The following NBAS variants were observed in gnomAD, a reference collection of about 807,000 sequenced individuals.
NBAS encodes NAG/BC035112 fusion.
NBAS carries 219 observed loss-of-function variants against 302.5 expected under a neutral mutation model. The ratio of observed to expected loss-of-function variants is 0.72; its 90% CI spans 0.65 to 0.81. The LOEUF is 0.81. Among genes scored for constraint, NBAS ranks in the 30% least tolerant of loss-of-function variants. The probability of loss-of-function intolerance (pLI) is 0.00; values close to 1 mark genes in which losing one functional copy is unlikely to be tolerated. For missense variants in NBAS, 2,932 were observed against 2,841.6 expected (o/e 1.03, Z -0.72); for synonymous variants, 1,118 against 1,021.6 (o/e 1.09, Z -1.80).
intron 44 of NBAS, among the ~76,000 whole-genome samples, chr2:15,257,054 C>T (rs1668631047): frequency 6.6e-6 from 1 of 152,158 alleles, no homozygotes. Context: ...TAGGGTGATA[C>T]TGGCTTCCCA....
chr2:14,826,009 A>C, the NBAS span, among the ~76,000 whole-genome samples: 1 of 152,248 alleles, frequency 6.6e-6, no homozygotes, highest in Non-Finnish European at 1.5e-5. Flanking sequence ...GGATTCAAAT[A>C]GGTTTGGCAA....
At chr2:15,017,664 G>T in the NBAS span, among the ~76,000 whole-genome samples, 2 of 151,966 alleles carry the variant, frequency 1.3e-5, no homozygotes, top group Non-Finnish European at 2.9e-5. Context: ...GACATAAAAA[G>T]TGCTGGTGAA....
chr2:14,848,041 T>A, the NBAS span, among the ~76,000 whole-genome samples: 1 of 152,106 alleles, frequency 6.6e-6, no homozygotes, highest in Non-Finnish European at 1.5e-5. Flanking sequence ...AATATGTCAA[T>A]GAAGAAATTA....
intron 31 of NBAS, among the ~76,000 whole-genome samples, chr2:15,373,779 G>A (rs1019358982): frequency 6.6e-6 from 1 of 152,154 alleles, no homozygotes; most frequent in Non-Finnish European, 1.5e-5. Flanking sequence ...CAAGGAACTT[G>A]TAAGAGATCT....
the NBAS span, among the ~76,000 whole-genome samples, chr2:15,059,951 AAAAAAAAAAAAAC>A: frequency 2.0e-5 from 2 of 99,368 alleles, no homozygotes; most frequent in Non-Finnish European, 3.6e-5. Context: ...TGCTGCTAAA[AAAAAAAAAAAAAC>A]AAAAAAAAAA....
At chr2:15,162,491 C>A (rs1663923081), downstream of NBAS, among the ~76,000 whole-genome samples, 1 of 152,164 alleles carries the variant, frequency 6.6e-6, no homozygotes, top group Admixed American at 6.5e-5. Flanking sequence ...AGTCTAACAC[C>A]AGCATCAAAG....
At chr2:14,850,189 A>G in the NBAS span, among the ~76,000 whole-genome samples, 8 of 134,378 alleles carry the variant, frequency 6.0e-5, no homozygotes, top group East Asian at 1.5e-3. Context: ...AACCCATCTC[A>G]CGTGCAGAGA....
chr2:15,184,852 G>C (rs186320291), intron 50 of NBAS, among the ~76,000 whole-genome samples: 103 of 152,280 alleles, frequency 6.8e-4, no homozygotes, highest in Non-Finnish European at 1.3e-3. Context: ...CCTTGCAAAA[G>C]TTACAGTAAA....
At chr2:15,129,713 A>T in the NBAS span, among the ~76,000 whole-genome samples, 1 of 152,188 alleles carries the variant, frequency 6.6e-6, no homozygotes, top group Non-Finnish European at 1.5e-5. Flanking sequence ...GTTCCTGGCC[A>T]GTTGGCTGGG....
chr2:14,930,044 G>A, the NBAS span, among the ~76,000 whole-genome samples: 11 of 152,138 alleles, frequency 7.2e-5, no homozygotes, highest in East Asian at 1.9e-4. Flanking sequence ...GTTCTGCCAC[G>A]ATTGTAAGTT....
the NBAS span, among the ~76,000 whole-genome samples, chr2:14,926,077 T>C: frequency 6.6e-6 from 1 of 152,274 alleles, no homozygotes; most frequent in African/African-American, 2.4e-5. Flanking sequence ...AGTCTGAAAC[T>C]TCCCTGTGCT....
At chr2:15,454,066 C>A (rs1679141436) in intron 21 of NBAS, among the ~76,000 whole-genome samples, 1 of 152,084 alleles carries the variant, frequency 6.6e-6, no homozygotes, top group Non-Finnish European at 1.5e-5. Flanking sequence ...CGTGAGCCAC[C>A]ACACCCTGTC....
chr2:15,539,193 C>T (rs751154466), intron 7 of NBAS, 30 bp downstream of exon 7: 1 of 1,613,760 alleles, frequency 6.2e-7, no homozygotes, highest in Non-Finnish European at 8.5e-7. Context: ...ATTGAAAAAA[C>T]TATGTTTTCA....
At chr2:15,488,375 C>T (rs1680720736) in intron 12 of NBAS, among the ~76,000 whole-genome samples, 1 of 152,140 alleles carries the variant, frequency 6.6e-6, no homozygotes, top group Admixed American at 6.5e-5. Context: ...TCTGTCACTA[C>T]ATAACAAAAT....
In NBAS at chr2:15,249,138, G is replaced by A. The variant is rs535524079; in HGVS notation, c.5725-10452C>T. On this transcript the variant is annotated intron_variant, in intron 44 of 51. Coordinates refer to ENST00000281513, the MANE Select transcript of NBAS (RefSeq NM_015909.4). ...ACCATGATCAAGTCAGCTTCATCCC[G>A]GGGATGCGAGGCTGGTTCAACATAC... Among the ~76,000 whole-genome samples, 16 of 152,102 alleles carry A rather than the reference G, an allele frequency of 1.1e-4. No homozygotes were observed. In the South Asian group the frequency reaches 2.1e-3, roughly 20 times the overall value.
chr2:14,850,626 AT>A, the NBAS span, among the ~76,000 whole-genome samples: 22 of 67,928 alleles, frequency 3.2e-4, no homozygotes, highest in African/African-American at 2.3e-3. Context: ...CAGAATATAC[AT>A]TTTTTTCAGC....
intron 44 of NBAS, among the ~76,000 whole-genome samples, chr2:15,247,698 A>C (rs1668159510): frequency 6.8e-6 from 1 of 146,676 alleles, no homozygotes; most frequent in East Asian, 2.3e-4. Flanking sequence ...ATATCTATAT[A>C]TCTCTCTATA....
intron 38 of NBAS, among the ~76,000 whole-genome samples, chr2:15,325,569 C>G (rs1271098392): frequency 6.6e-6 from 1 of 152,130 alleles, no homozygotes; most frequent in Non-Finnish European, 1.5e-5. Flanking sequence ...GCTTCCTTAC[C>G]TCTCTCAGCC....
intron 12 of NBAS, among the ~76,000 whole-genome samples, chr2:15,488,294 G>A (rs1274874397): frequency 6.6e-6 from 1 of 152,130 alleles, no homozygotes; most frequent in Admixed American, 6.5e-5. Context: ...ACAATACATG[G>A]CTTTATATGA....
Sources: allele counts gnomAD v4.1 joint callset (sites outside exome capture counted in the v4.1 genomes callset), GRCh38; gene constraint gnomAD v4.1.1; transcripts MANE v1.5; gene names NCBI Gene and HGNC (gene_info 2026-07-23, HGNC 2026-07-21).